Variants in ACAN observed in about 807,000 individuals in gnomAD.
The protein encoded by ACAN is aggrecan core protein.
Under a neutral mutation model 169.1 loss-of-function variants are expected in ACAN, and 47 were observed. That is an observed-to-expected ratio of 0.28 (90% CI 0.22 to 0.35). The LOEUF is 0.35. ACAN is among the 10% of genes least tolerant of loss of function. The probability of loss-of-function intolerance (pLI) is 1.00; values close to 1 mark genes in which losing one functional copy is unlikely to be tolerated. For missense variants in ACAN, 2,716 were observed against 2,759.9 expected, an observed-to-expected ratio of 0.98 and a Z score of 0.36; for synonymous variants, 1,115 against 1,112.2, an observed-to-expected ratio of 1.00 and a Z score of -0.05.
At chr15:88,805,399 A>T (rs1895653930) in intron 1 of ACAN, among the ~76,000 whole-genome samples, 1 of 152,168 alleles carries the variant, frequency 6.6e-6, no homozygotes, top group African/African-American at 2.4e-5. Flanking sequence ...AGAATAGTAG[A>T]TCTCCCCAGT....
rs1226000222 is a variant in ACAN, at chr15:88,873,064, T to C, written c.7447+39T>C. 3.8e-6 allele frequency: 6 copies of C among 1,599,958 alleles called. No individual in the cohort carries two copies. Among genetic ancestry groups the C allele is most frequent in the Non-Finnish European group, 5.1e-6 (6 of 1,172,686 alleles). The stretch of plus-strand genomic sequence containing the variant: ...TGGGAGGGGTCAGGGGAGGATAGGA[T>C]CAAGACCTCCAGCTACAGGTGAGGC... On this transcript the variant is annotated intron_variant, in intron 17 of 18. Coordinates refer to ENST00000560601, the MANE Select transcript of ACAN (RefSeq NM_001369268.1). This position sits in a 1 kb window ranked among gnomAD's most constrained non-coding sequence, Gnocchi z 7.5.
chr15:88,819,121 C>T (rs1007523659), intron 1 of ACAN, among the ~76,000 whole-genome samples: 19 of 152,206 alleles, frequency 1.2e-4, no homozygotes, highest in East Asian at 1.2e-3. Context: ...CACTATAATC[C>T]GGACAGCCTT....
At position 88,836,279 on chromosome 15, in the gene ACAN, G is replaced by A; in HGVS notation, c.70+3G>A. 3.7e-6 allele frequency: 6 copies of A among 1,612,454 alleles called. No homozygotes were observed. Among genetic ancestry groups the A allele is most frequent in the Non-Finnish European group, 5.1e-6 (6 of 1,178,702 alleles). ...AGCTGTCACTGTAGAAACTTCAGGT[G>A]AGGACATTCCTATACATGTTTCACG... On this transcript the variant is annotated splice_donor_region_variant and intron_variant, in intron 2 of 18. Transcript: ENST00000560601.
chr15:88,838,382 T>G lies in ACAN; in HGVS notation c.71-281T>G, dbSNP rs1451179193. On this transcript the variant is annotated intron_variant, in intron 2 of 18. Coordinates refer to ENST00000560601, the MANE Select transcript of ACAN (RefSeq NM_001369268.1). The surrounding 1 kb of genome is among the most constrained non-coding windows in gnomAD (Gnocchi z 5.1). ...AGAAACAGGGAGTTGGTCCTGACTC[T>G]GACGTCTCCCCTCCCTCCTCTGGAA... 6.6e-6 allele frequency among the ~76,000 whole-genome samples: 1 copy of G among 152,184 alleles called. No homozygotes were observed. Among genetic ancestry groups the G allele is most frequent in the Non-Finnish European group, 1.5e-5 (1 of 68,038 alleles).
At chr15:88,844,294 C>CTATTT (rs1343133224) in intron 6 of ACAN, among the ~76,000 whole-genome samples, 20 of 104,676 alleles carry the variant, frequency 1.9e-4, no homozygotes, top group African/African-American at 7.2e-4. Flanking sequence ...CCATGCTTTG[C>CTATTT]TTTTTTTTTT....
In ACAN at chr15:88,836,218, A is replaced by G. The variant is rs1407894364; in HGVS notation, c.12A>G (p.Leu4=). MTT[L]LWVFVTLRVI... ...CTTCCAGGTGAACTATGACCACTTT[A>G]CTCTGGGTTTTCGTGACTCTGAGGG... is the stretch of plus-strand genomic sequence containing the variant. Residue 4 remains leucine (L), a synonymous_variant, in exon 2 of 19, where the codon TTA becomes TTG. Coordinates refer to ENST00000560601, the MANE Select transcript of ACAN (RefSeq NM_001369268.1). 6.2e-7 allele frequency: 1 copy of G among 1,613,414 alleles called. No individual in the cohort carries two copies. Among genetic ancestry groups the G allele is most frequent in the Admixed American group, 1.7e-5 (1 of 59,978 alleles).
chr15:88,830,729 C>G (rs1361799973), intron 1 of ACAN, among the ~76,000 whole-genome samples: 2 of 152,186 alleles, frequency 1.3e-5, no homozygotes, highest in Non-Finnish European at 2.9e-5. Flanking sequence ...GGAAGTTGCT[C>G]TGGATGGGTG....
chr15:88,838,969 A>G lies in ACAN; in HGVS notation c.377A>G (p.Asn126Ser), dbSNP rs1477811556. The change falls in exon 3 of 19, where the codon AAT becomes AGT. Residue 126 changes from asparagine to serine, a missense_variant. Coordinates refer to ENST00000560601, the MANE Select transcript of ACAN (RefSeq NM_001369268.1). This position sits in a 1 kb window ranked among gnomAD's most constrained non-coding sequence, Gnocchi z 5.1. ...TTGGAAGTCCAGAGCCTGCGCTCCAATGACTCTGGGGTCTACCGCTGCGAG... is the reference window on the plus strand; with the variant it reads ...TTGGAAGTCCAGAGCCTGCGCTCCAGTGACTCTGGGGTCTACCGCTGCGAG... ...ATLEVQSLRS[N>S]DSGVYRCEVM... The G allele has an allele frequency of 2.5e-6, 4 of 1,613,440 alleles. No individual in the cohort carries two copies. The highest frequency in any genetic ancestry group is 2.2e-5 in the South Asian group (2 of 91,090).
rs570942925 is a variant in ACAN, at chr15:88,866,756, C to T, written c.6947-1460C>T. 1.3e-5 allele frequency among the ~76,000 whole-genome samples: 2 copies of T among 152,294 alleles called. No homozygotes were observed. Among genetic ancestry groups the T allele is most frequent in the East Asian group, 3.9e-4 (2 of 5,174 alleles). The stretch of plus-strand genomic sequence containing the variant: ...ACCAGCGTAAGGACTCAGAGGAAAC[C>T]GCCTTTACCATCTCATCAGAAGGTT... On this transcript the variant is annotated intron_variant, in intron 13 of 18. Coordinates refer to ENST00000560601, the MANE Select transcript of ACAN (RefSeq NM_001369268.1). The surrounding 1 kb of genome is among the most constrained non-coding windows in gnomAD (Gnocchi z 5.6).
chr15:88,814,594 A>G lies in ACAN; in HGVS notation c.-8+10785A>G, dbSNP rs1895894375. ...AGGTTCTGCTGTACACAGGGCTCCCACAATGCATCACTCCAGAGGGCGCCA... is the reference window on the plus strand; with the variant it reads ...AGGTTCTGCTGTACACAGGGCTCCCGCAATGCATCACTCCAGAGGGCGCCA... On this transcript the variant is annotated intron_variant, in intron 1 of 18. Transcript: ENST00000560601. This position sits in a 1 kb window ranked among gnomAD's most constrained non-coding sequence, Gnocchi z 4.0. Among the ~76,000 whole-genome samples the G allele has an allele frequency of 6.6e-6, 1 of 152,182 alleles. No individual in the cohort carries two copies. The highest frequency in any genetic ancestry group is 2.1e-4 in the South Asian group (1 of 4,832).
At position 88,854,903 on chromosome 15, in the gene ACAN, A is replaced by G; in HGVS notation, c.2318A>G (p.Glu773Gly). The change falls in exon 12 of 19, where the codon GAA (glutamate) becomes GGA (glycine). Residue 773 changes from glutamate (E) to glycine (G), a missense_variant. By Grantham distance (98) the Glu-to-Gly change is moderately conservative. Coordinates refer to ENST00000560601, the MANE Select transcript of ACAN (RefSeq NM_001369268.1). Reference sequence around the variant, plus strand: ...GGCGCAGCAACAGAGGAAAGTACAGAAGGCCCTTCTGCAACTGAAGTGCCC... The same window carrying G: ...GGCGCAGCAACAGAGGAAAGTACAGGAGGCCCTTCTGCAACTGAAGTGCCC... The part of the protein sequence containing the change: ...PTGAATEEST[E>G]GPSATEVPSA... 6.4e-7 allele frequency: 1 copy of G among 1,572,730 alleles called. No individual in the cohort carries two copies. The highest frequency in any genetic ancestry group is 8.6e-7 in the Non-Finnish European group (1 of 1,163,202).
Position 88,845,557 on chromosome 15 carries a change from G to C in ACAN, c.1104G>C (p.Glu368Asp), listed in dbSNP as rs950735603. ...PENFFGVGGE[E>D]DITVQTVTWP... is the part of the protein sequence containing the mutation. ...ACTTCTTTGGAGTGGGGGGTGAGGA[G>C]GACATCACCGTCCAGACAGTGACCT... The change falls in exon 7 of 19, where the codon GAG becomes GAC. Residue 368 changes from glutamate to aspartate, a missense_variant. By Grantham distance (45) the Glu-to-Asp change is conservative. Around this residue, in one of 3 missense-constraint regions of ACAN, gnomAD observed 1,283 missense variants for 1,281.5 expected, o/e 1.00. Transcript: ENST00000560601. The C allele has an allele frequency of 6.2e-7, 1 of 1,613,692 alleles. No homozygotes were observed. The highest frequency in any genetic ancestry group is 2.2e-5 in the East Asian group (1 of 44,894).
rs562787562 is a variant in ACAN, at chr15:88,844,325, G to T, written c.1051+677G>T. Reference sequence around the variant, plus strand: ...TTTTTTTTTTTTTTTGGTAGAGATGGGGTCTTGTCATGTTGCCCAGGCTGG... The same window carrying T: ...TTTTTTTTTTTTTTTGGTAGAGATGTGGTCTTGTCATGTTGCCCAGGCTGG... On this transcript the variant is annotated intron_variant, in intron 6 of 18. Transcript: ENST00000560601. 4.0e-5 allele frequency among the ~76,000 whole-genome samples: 6 copies of T among 149,224 alleles called. No homozygotes were observed. The East Asian group carries it at 1.2e-3, about 29-fold the overall frequency.
rs1249230063 is a variant in ACAN at position 88,838,739 on chromosome 15, C to G, written c.147C>G (p.Ile49Met). ...LRVLLGTSLTIPCYFIDPMHP... is the reference protein window; with the variant it reads ...LRVLLGTSLTMPCYFIDPMHP... Reference sequence around the variant, plus strand: ...TCCTCCTGGGGACCTCCCTCACCATCCCCTGCTATTTCATCGACCCCATGC... The same window carrying G: ...TCCTCCTGGGGACCTCCCTCACCATGCCCTGCTATTTCATCGACCCCATGC... Residue 49 changes from isoleucine (I) to methionine (M), a missense_variant, in exon 3 of 19, where the codon ATC becomes ATG. By Grantham distance (10) the Ile-to-Met change is conservative (BLOSUM62 1). Coordinates refer to ENST00000560601, the MANE Select transcript of ACAN (RefSeq NM_001369268.1). This position sits in a 1 kb window ranked among gnomAD's most constrained non-coding sequence, Gnocchi z 5.1. 1.9e-6 allele frequency: 3 copies of G among 1,613,048 alleles called. No individual in the cohort carries two copies. In the South Asian group the frequency reaches 3.3e-5, roughly 18 times the overall value.
rs1285846287 is a variant in ACAN at position 88,851,784 on chromosome 15, T to A, written c.2027-10T>A. ...GAGGGACTCACTCTGACCACCCACA[T>A]CTCCTTTAGGCATTTCAGCGGTTCC... On this transcript the variant is annotated splice_polypyrimidine_tract_variant and intron_variant, in intron 10 of 18. Transcript: ENST00000560601. This position sits in a 1 kb window ranked among gnomAD's most constrained non-coding sequence, Gnocchi z 4.3. 13 of 1,570,620 alleles carry A rather than the reference T, an allele frequency of 8.3e-6. No homozygotes were observed. The highest frequency in any genetic ancestry group is 1.4e-5 in the African/African-American group (1 of 73,874).
chr15:88,842,935 T>C (rs1896702177), intron 5 of ACAN, among the ~76,000 whole-genome samples: 1 of 152,172 alleles, frequency 6.6e-6, no homozygotes, highest in South Asian at 2.1e-4. Flanking sequence ...CTCCAAGGGC[T>C]CAAGGTCTGA....
rs376068769 is a variant in ACAN at position 88,833,167 on chromosome 15, T to G, written c.-7-3033T>G. 3.3e-5 allele frequency among the ~76,000 whole-genome samples: 5 copies of G among 152,300 alleles called. No homozygotes were observed. In the East Asian group the frequency reaches 7.7e-4, roughly 23 times the overall value. ...CAACCATGGGGTAGAGTCTGGCTGA[T>G]GAGGAGGTGAAGGTTTCCTTGTCTG... On this transcript the variant is annotated intron_variant, in intron 1 of 18. Transcript: ENST00000560601.
rs748136311 is a variant in ACAN, at chr15:88,838,789, C to T, written c.197C>T (p.Thr66Ile). 1 of 1,614,030 alleles carries T rather than the reference C, an allele frequency of 6.2e-7. No homozygotes were observed. The highest frequency in any genetic ancestry group is 8.5e-7 in the Non-Finnish European group (1 of 1,179,896). ...PMHPVTTAPS[T>I]APLAPRIKWS... ...CACCCTGTGACCACCGCCCCTTCTA[C>T]CGCCCCACTGGCCCCAAGAATCAAG... is the stretch of plus-strand genomic sequence containing the variant. The change falls in exon 3 of 19, where the codon ACC becomes ATC. Residue 66 changes from threonine to isoleucine, a missense_variant. Thr to Ile is a moderately conservative substitution (Grantham distance 89). This residue lies in a region of ACAN where 1,283 missense variants were observed against 1,281.5 expected (regional missense o/e 1.00). Transcript: ENST00000560601. The surrounding 1 kb of genome is among the most constrained non-coding windows in gnomAD (Gnocchi z 5.1).
rs1046869543 is a variant in ACAN at position 88,861,077 on chromosome 15, G to C, written c.6946+638G>C. Among the ~76,000 whole-genome samples the C allele has an allele frequency of 4.6e-5, 7 of 152,160 alleles. No individual in the cohort carries two copies. The highest frequency in any genetic ancestry group is 2.9e-5 in the Non-Finnish European group (2 of 68,024). On this transcript the variant is annotated intron_variant, in intron 13 of 18. Transcript: ENST00000560601. This position sits in a 1 kb window ranked among gnomAD's most constrained non-coding sequence, Gnocchi z 6.3. ...AGAGGCTGGGGACCCTCTGATCTGA[G>C]GTGGACCCCGGAAGGAGATGGTTAG...
Sources: gnomAD v4.1 joint callset for allele counts (sites outside exome capture counted in the v4.1 genomes callset) on GRCh38, gnomAD v4.1.1 for gene constraint, gnomAD v4.1.1 regional missense constraint, Gnocchi (gnomAD v3.1) non-coding constraint, MANE v1.5 for transcripts, NCBI Gene and HGNC (gene_info 2026-07-23, HGNC 2026-07-21) for gene names.